BMPR1B: variants seen among roughly 807,000 people sequenced by gnomAD.
BMPR1B encodes bone morphogenetic protein receptor type-1B.
In BMPR1B, 12 loss-of-function variants were observed where a neutral mutation model predicts 59.1. The ratio of observed to expected loss-of-function variants is 0.20; its 90% CI spans 0.13 to 0.33. The LOEUF (loss-of-function observed/expected upper bound fraction) is 0.33, where lower values mean the gene tolerates loss of function less well. Among genes scored for constraint, BMPR1B ranks in the 10% least tolerant of loss-of-function variants. The probability of loss-of-function intolerance (pLI) is 1.00; values close to 1 mark genes in which losing one functional copy is unlikely to be tolerated. For missense variants in BMPR1B, 550 were observed against 610.9 expected (o/e 0.90, Z 1.05); for synonymous variants, 237 against 207.3 (o/e 1.14, Z -1.23).
At chr4:95,025,640 T>C (rs1235951059) in intron 3 of BMPR1B, among the ~76,000 whole-genome samples, 3 of 149,260 alleles carry the variant, frequency 2.0e-5, no homozygotes, top group Non-Finnish European at 4.5e-5. Context: ...GCCACTTCAG[T>C]AGCTTTGAAC....
chr4:94,856,122 T>A (rs548130862), intron 1 of BMPR1B, among the ~76,000 whole-genome samples: 1 of 152,242 alleles, frequency 6.6e-6, no homozygotes, highest in South Asian at 2.1e-4. Flanking sequence ...AAAAACAGAT[T>A]GTCTCATGAA....
intron 10 of BMPR1B, among the ~76,000 whole-genome samples, chr4:95,133,878 G>T (rs1560680738): frequency 6.7e-6 from 1 of 149,282 alleles, no homozygotes; most frequent in African/African-American, 2.5e-5. Flanking sequence ...CCCACCTGCT[G>T]TTTTTTTTTT....
chr4:95,000,648 G>A (rs1028542408), intron 3 of BMPR1B, among the ~76,000 whole-genome samples: 1 of 152,228 alleles, frequency 6.6e-6, no homozygotes, highest in Middle Eastern at 3.4e-3. Context: ...GATGGTGGAA[G>A]TTTCTTTGGT....
chr4:94,961,167 C>T (rs987704948), intron 2 of BMPR1B, among the ~76,000 whole-genome samples: 3 of 152,106 alleles, frequency 2.0e-5, no homozygotes, highest in Non-Finnish European at 4.4e-5. Flanking sequence ...GTGACTGATC[C>T]ACTGTCCCTC....
At chr4:95,114,396 AG>A (rs1731856007) in intron 4 of BMPR1B, among the ~76,000 whole-genome samples, 1 of 152,142 alleles carries the variant, frequency 6.6e-6, no homozygotes, top group Non-Finnish European at 1.5e-5. Context: ...GTATCTGTGA[AG>A]GGCCAAAATA....
intron 1 of BMPR1B, among the ~76,000 whole-genome samples, chr4:94,770,415 T>C (rs1041432958): frequency 6.6e-6 from 1 of 152,058 alleles, no homozygotes; most frequent in East Asian, 1.9e-4. Flanking sequence ...AGGTGACTTC[T>C]AGCTCCTTTT....
At chr4:94,964,020 C>T (rs1730465758) in intron 2 of BMPR1B, among the ~76,000 whole-genome samples, 1 of 151,972 alleles carries the variant, frequency 6.6e-6, no homozygotes, top group South Asian at 2.1e-4. Context: ...AAATGTTTTA[C>T]AGTTTTCACT....
At position 95,158,181 on chromosome 4, in the gene BMPR1B, A is replaced by T. The variant is rs1235511571; in HGVS notation, c.*3508A>T. The T allele has an allele frequency of 6.6e-6, 1 of 152,210 alleles. No homozygotes were observed. Among genetic ancestry groups the T allele is most frequent in the East Asian group, 1.9e-4 (1 of 5,202 alleles). 9.4% of individuals were successfully genotyped at this position (152,210 alleles called of 1,614,324 possible). On this transcript the variant is annotated 3_prime_UTR_variant, in exon 13 of 13. Transcript: ENST00000515059. ...AATGGCATCAGAAGTGACTTAATTTAGCAATTGTGATTCCTCTTGTAAAAC... is the reference window on the plus strand; with the variant it reads ...AATGGCATCAGAAGTGACTTAATTTTGCAATTGTGATTCCTCTTGTAAAAC...
intron 3 of BMPR1B, among the ~76,000 whole-genome samples, chr4:95,085,903 G>A (rs1176895853): frequency 6.6e-6 from 1 of 152,024 alleles, no homozygotes; most frequent in East Asian, 1.9e-4. Context: ...TAAAATATTA[G>A]GAACATTTGG....
At chr4:94,760,078 C>T (rs1291179647) in intron 1 of BMPR1B, among the ~76,000 whole-genome samples, 1 of 152,150 alleles carries the variant, frequency 6.6e-6, no homozygotes, top group Non-Finnish European at 1.5e-5. Flanking sequence ...TACTCATGTG[C>T]TAGGGGCCGC....
Position 94,794,672 on chromosome 4 carries a change from C to G in BMPR1B, c.-183+36604C>G, listed in dbSNP as rs986708922. ...ATGAGCATGGAATGTTCTTCCATTTCTTTGTATCGTCTTTTATTTCCTTGA... is the reference window on the plus strand; with the variant it reads ...ATGAGCATGGAATGTTCTTCCATTTGTTTGTATCGTCTTTTATTTCCTTGA... On this transcript the variant is annotated intron_variant, in intron 1 of 12. Coordinates refer to ENST00000515059, the MANE Select transcript of BMPR1B (RefSeq NM_001203.3). Among the ~76,000 whole-genome samples, 11 of 151,862 alleles carry G rather than the reference C, an allele frequency of 7.2e-5. No homozygotes were observed. The East Asian group carries it at 1.2e-3, about 16-fold the overall frequency.
intron 1 of BMPR1B, among the ~76,000 whole-genome samples, chr4:94,859,149 C>A (rs1314402096): frequency 6.6e-6 from 1 of 152,008 alleles, no homozygotes. Context: ...CTAGAGCCAA[C>A]TAAATTGGGA....
chr4:94,973,275 G>A (rs542296143), intron 2 of BMPR1B, among the ~76,000 whole-genome samples: 1 of 152,318 alleles, frequency 6.6e-6, no homozygotes, highest in South Asian at 2.1e-4. Context: ...CAAAGGGCCA[G>A]TGTGACAGCC....
At position 94,763,675 on chromosome 4, in the gene BMPR1B, A is replaced by G. The variant is rs117123264; in HGVS notation, c.-183+5607A>G. On this transcript the variant is annotated intron_variant, in intron 1 of 12. Transcript: ENST00000515059. ...AGCAGTTAGATAGATATGAACTTAAACAAGTACAGACACATCTGTCACTAG... is the reference window on the plus strand; with the variant it reads ...AGCAGTTAGATAGATATGAACTTAAGCAAGTACAGACACATCTGTCACTAG... Among the ~76,000 whole-genome samples the G allele has an allele frequency of 7.1e-4, 108 of 152,326 alleles. No homozygotes were observed. The East Asian group carries it at 8.5e-3, about 12-fold the overall frequency.
At chr4:95,140,823 C>T (rs973262064) in intron 10 of BMPR1B, among the ~76,000 whole-genome samples, 2 of 152,038 alleles carry the variant, frequency 1.3e-5, no homozygotes, top group African/African-American at 4.8e-5. Context: ...GACTCATCTC[C>T]TTTATAGACC....
At chr4:94,867,486 G>C (rs1278885019) in intron 1 of BMPR1B, among the ~76,000 whole-genome samples, 1 of 152,228 alleles carries the variant, frequency 6.6e-6, no homozygotes, top group African/African-American at 2.4e-5. Context: ...TTAATTCTGA[G>C]TTCTTCTACT....
At chr4:95,085,757 G>T (rs1358025858) in intron 3 of BMPR1B, among the ~76,000 whole-genome samples, 1 of 152,114 alleles carries the variant, frequency 6.6e-6, no homozygotes, top group Non-Finnish European at 1.5e-5. Context: ...CCTGTTTTGT[G>T]CATTAGCTTT....
intron 11 of BMPR1B, among the ~76,000 whole-genome samples, chr4:95,151,014 C>A (rs1283322732): frequency 6.6e-6 from 1 of 152,180 alleles, no homozygotes; most frequent in Non-Finnish European, 1.5e-5. Flanking sequence ...ACACAAAATT[C>A]TATTTTCTAA....
intron 3 of BMPR1B, among the ~76,000 whole-genome samples, chr4:95,092,578 C>G (rs1560646862): frequency 6.6e-6 from 1 of 151,642 alleles, no homozygotes; most frequent in Non-Finnish European, 1.5e-5. Context: ...TATTTTATAC[C>G]TCAAATATTT....
Sources: gnomAD v4.1 joint callset for allele counts (sites outside exome capture counted in the v4.1 genomes callset) on GRCh38, gnomAD v4.1.1 for gene constraint, MANE v1.5 for transcripts, NCBI Gene and HGNC (gene_info 2026-07-23, HGNC 2026-07-21) for gene names.